LRRCC1: variants seen among roughly 807,000 people sequenced by gnomAD.
LRRCC1 encodes the protein leucine-rich repeat and coiled-coil domain-containing protein 1.
In LRRCC1, 115 loss-of-function variants were observed where a neutral mutation model predicts 126.0. The observed-to-expected ratio is 0.91, with a 90% CI of 0.78 to 1.07. The LOEUF (loss-of-function observed/expected upper bound fraction) is 1.07. LRRCC1 is among the 50% of genes least tolerant of loss of function. The probability of loss-of-function intolerance (pLI) is 0.00; values close to 1 mark genes in which losing one functional copy is unlikely to be tolerated. For missense variants in LRRCC1, 1,172 were observed against 1,175.7 expected (o/e 1.00, Z 0.05); for synonymous variants, 400 against 393.4 (o/e 1.02, Z -0.20).
intron 6 of LRRCC1, among the ~76,000 whole-genome samples, chr8:85,119,181 G>A (rs1809335348): frequency 6.6e-6 from 1 of 150,870 alleles, no homozygotes; most frequent in South Asian, 2.1e-4. Context: ...GTCAGTTTGG[G>A]TAAGCTGTAT....
At chr8:85,141,041 G>A (rs1044748096) in intron 17 of LRRCC1, among the ~76,000 whole-genome samples, 1 of 152,052 alleles carries the variant, frequency 6.6e-6, no homozygotes, top group African/African-American at 2.4e-5. Flanking sequence ...ACTCCAGCCT[G>A]AGTGACACAG....
rs140330982 is a variant in LRRCC1, at chr8:85,145,664, T to A, written c.*153T>A. ...TTTTAAAGACTTTTGATCAAGTATT[T>A]ATTAATTGTATAGGTTTTTTATAAT... On this transcript the variant is annotated 3_prime_UTR_variant, in exon 19 of 19. Transcript: ENST00000360375. The A allele has an allele frequency of 5.6e-6, 1 of 178,072 alleles. No individual in the cohort carries two copies. Among genetic ancestry groups the A allele is most frequent in the Non-Finnish European group, 8.6e-6 (1 of 116,716 alleles). 11.0% of individuals were successfully genotyped at this position (178,072 alleles called of 1,614,324 possible).
chr8:85,126,773 G>A lies in LRRCC1; in HGVS notation c.1357G>A (p.Glu453Lys), dbSNP rs376035628. The A allele has an allele frequency of 1.2e-6, 2 of 1,612,486 alleles. No homozygotes were observed. Among genetic ancestry groups the A allele is most frequent in the African/African-American group, 2.7e-5 (2 of 74,890 alleles). ...AENKLMDYID[E>K]LHKHANEKED... ...AAATAAACTCATGGATTATATTGATGAGCTGCATAAACATGCAAATGAAAA... is the reference window on the plus strand; with the variant it reads ...AAATAAACTCATGGATTATATTGATAAGCTGCATAAACATGCAAATGAAAA... The change falls in exon 9 of 19, where the codon GAG becomes AAG. Residue 453 changes from glutamate to lysine, a missense_variant. Glu to Lys is a moderately conservative substitution (Grantham distance 56). Transcript: ENST00000360375.
rs963904028 is a variant in LRRCC1, at chr8:85,112,863, C to T, written c.377-69C>T. The stretch of plus-strand genomic sequence containing the variant: ...GCCTCTAAAAGTATAACCTATCTAG[C>T]AATTATTTCTAATTAGCTATTGGAA... On this transcript the variant is annotated intron_variant, in intron 3 of 18. Transcript: ENST00000360375. 3 of 1,173,832 alleles carry T rather than the reference C, an allele frequency of 2.6e-6. No individual in the cohort carries two copies. The African/African-American group carries it at 4.7e-5, about 18-fold the overall frequency. The allele number at this position is 1,173,832 out of a possible 1,614,324, so 72.7% of individuals were successfully genotyped here. A position where few individuals can be genotyped will look rare whatever the true frequency, so the allele number is the denominator to read the frequency against.
At chr8:85,112,748 A>C (rs556700789) in intron 3 of LRRCC1, among the ~76,000 whole-genome samples, 184 bp from the exon 4 acceptor site, 28 of 152,312 alleles carry the variant, frequency 1.8e-4, no homozygotes, top group African/African-American at 5.5e-4. Context: ...GAAATGTTAA[A>C]CTTCTGTTTC....
At chr8:85,115,686 G>A in intron 6 of LRRCC1, 102 bp downstream of exon 6, 1 of 739,386 alleles carries the variant, frequency 1.4e-6, no homozygotes, top group South Asian at 1.9e-5. Flanking sequence ...ACCTATTTTA[G>A]TGCATCAGTG....
At chr8:85,131,733 TTTATC>T in intron 11 of LRRCC1, 22 bp from the exon 12 acceptor site, 1 of 1,569,306 alleles carries the variant, frequency 6.4e-7, no homozygotes, top group Non-Finnish European at 8.7e-7. Flanking sequence ...GTATCATCCT[TTTATC>T]TTTATATGTT....
chr8:85,107,828 A>C (rs1808376438), intron 1 of LRRCC1: 1 of 154,890 alleles, frequency 6.5e-6, no homozygotes, highest in Non-Finnish European at 1.4e-5. Flanking sequence ...GGCAGCTATG[A>C]GCGGGCAGTC....
chr8:85,130,821 T>A (rs1199941100), intron 11 of LRRCC1, among the ~76,000 whole-genome samples: 3 of 152,234 alleles, frequency 2.0e-5, no homozygotes, highest in Non-Finnish European at 2.9e-5. Context: ...TAACTTTGCC[T>A]TTGTAGCACA....
At position 85,109,789 on chromosome 8, in the gene LRRCC1, CA is replaced by C; in HGVS notation, c.303del (p.Val102Ter). ...TTAAATTTGTCCTGCAATTTGATTA[CA>C]AAAGTAGAAGGTTTGTAAGTGATTT... ...CTLNLSCNLI[T>X]KVEGLEELIN... On this transcript the variant is annotated frameshift_variant, in exon 2 of 19. Transcript: ENST00000360375. LOFTEE classifies it high-confidence loss of function. 6.4e-7 allele frequency: 1 copy of C among 1,556,934 alleles called. No homozygotes were observed. Among genetic ancestry groups the C allele is most frequent in the Non-Finnish European group, 8.8e-7 (1 of 1,140,030 alleles).
At chr8:85,124,108 G>A (rs947972825) in intron 7 of LRRCC1, among the ~76,000 whole-genome samples, 2 of 152,120 alleles carry the variant, frequency 1.3e-5, no homozygotes, top group African/African-American at 4.8e-5. Flanking sequence ...AGATGATTGT[G>A]TTTAATGCCA....
intron 6 of LRRCC1, among the ~76,000 whole-genome samples, chr8:85,117,390 T>C (rs1809207847): frequency 1.3e-5 from 2 of 152,206 alleles, no homozygotes; most frequent in African/African-American, 4.8e-5. Flanking sequence ...CACTGCTATG[T>C]ATATTTAAAA....
intron 9 of LRRCC1, 80 bp from the exon 10 acceptor site, chr8:85,129,095 G>C: frequency 1.0e-6 from 1 of 994,778 alleles, no homozygotes; most frequent in African/African-American, 1.6e-5. Context: ...CCAGTTCAGA[G>C]AGTACTCTCA....
At chr8:85,128,662 G>A (rs1267470821) in intron 9 of LRRCC1, among the ~76,000 whole-genome samples, 1 of 152,098 alleles carries the variant, frequency 6.6e-6, no homozygotes, top group Non-Finnish European at 1.5e-5. Context: ...TGCCTTGCCT[G>A]TATTCCTCAT....
chr8:85,122,111 T>C (rs59377733), intron 6 of LRRCC1, among the ~76,000 whole-genome samples: 5,147 of 152,292 alleles, frequency 0.034, 268 homozygotes, highest in African/African-American at 0.12. Flanking sequence ...TAGTTTTGAT[T>C]GCAAAGTTAA....
chr8:85,145,587 A>T lies in LRRCC1; in HGVS notation c.*76A>T. On this transcript the variant is annotated 3_prime_UTR_variant, in exon 19 of 19. Transcript: ENST00000360375. ...AATGATTAAATATTGTAATAGTAGTAACTGCTATGACTTTGAAATGTCTCT... is the reference window on the plus strand; with the variant it reads ...AATGATTAAATATTGTAATAGTAGTTACTGCTATGACTTTGAAATGTCTCT... The T allele has an allele frequency of 5.8e-6, 7 of 1,213,278 alleles. No homozygotes were observed. Among genetic ancestry groups the T allele is most frequent in the East Asian group, 2.7e-5 (1 of 36,374 alleles). 75.2% of individuals were successfully genotyped at this position (1,213,278 alleles called of 1,614,324 possible). A position where few individuals can be genotyped will look rare whatever the true frequency, so the allele number is the denominator to read the frequency against.
At chr8:85,127,811 C>CCA (rs1810130591) in intron 9 of LRRCC1, among the ~76,000 whole-genome samples, 1 of 152,208 alleles carries the variant, frequency 6.6e-6, no homozygotes, top group Non-Finnish European at 1.5e-5. Flanking sequence ...AGCCCTTCTA[C>CCA]CACTACCCAC....
intron 1 of LRRCC1, 70 bp downstream of exon 1, chr8:85,107,469 C>A (rs927608812): frequency 6.6e-6 from 9 of 1,360,742 alleles, no homozygotes; most frequent in Non-Finnish European, 8.1e-6. Context: ...TGGCTGGCGG[C>A]GACACCAGAG....
chr8:85,110,213 A>G (rs1808599647), intron 3 of LRRCC1, 33 bp downstream of exon 3: 1 of 920,550 alleles, frequency 1.1e-6, no homozygotes, highest in Admixed American at 2.7e-5. Context: ...TCTGTATGCT[A>G]AATGTTGTGC....
Sources: allele counts gnomAD v4.1 joint callset (sites outside exome capture counted in the v4.1 genomes callset), GRCh38; gene constraint gnomAD v4.1.1; transcripts MANE v1.5; gene names NCBI Gene and HGNC (gene_info 2026-07-23, HGNC 2026-07-21).